Variants in LRMDA observed in about 807,000 individuals in gnomAD.
The protein encoded by LRMDA is leucine-rich melanocyte differentiation-associated protein.
A neutral mutation model predicts 29.8 loss-of-function variants in LRMDA; 18 were observed. The observed-to-expected ratio is 0.60, with a 90% CI of 0.42 to 0.90. The LOEUF is 0.90. Among genes scored for constraint, LRMDA ranks in the 40% least tolerant of loss-of-function variants. LRMDA has a pLI of 0.00. For missense variants in LRMDA, 273 were observed against 273.9 expected (o/e 1.00, Z 0.02); for synonymous variants, 125 against 109.4 (o/e 1.14, Z -0.89).
intron 2 of LRMDA, among the ~76,000 whole-genome samples, chr10:76,002,607 T>G (rs1231229995): frequency 6.6e-6 from 1 of 152,222 alleles, no homozygotes; most frequent in Non-Finnish European, 1.5e-5. Context: ...CATTGTAATT[T>G]ACCCAGTCAT....
chr10:76,434,223 C>T lies in LRMDA; in HGVS notation c.601+109738C>T, dbSNP rs115476700. On this transcript the variant is annotated intron_variant, in intron 6 of 6. Transcript: ENST00000611255. The stretch of plus-strand genomic sequence containing the variant: ...ACATCAATGTCCTGATTATAGTGAA[C>T]CTTGAACAGACATCTCCTCCTGCCC... Among the ~76,000 whole-genome samples, 309 of 152,012 alleles carry T rather than the reference C, an allele frequency of 2.0e-3. 1 individual carries two copies. The highest frequency in any genetic ancestry group is 7.2e-3 in the African/African-American group (298 of 41,454).
At chr10:75,758,865 A>G (rs901934330) in intron 2 of LRMDA, among the ~76,000 whole-genome samples, 2 of 152,284 alleles carry the variant, frequency 1.3e-5, no homozygotes, top group African/African-American at 4.8e-5. Flanking sequence ...ATCTGGGTAG[A>G]GGATGCTGCA....
In LRMDA at chr10:75,830,770, C is replaced by G. The variant is rs189877649; in HGVS notation, c.132-205238C>G. Among the ~76,000 whole-genome samples the G allele has an allele frequency of 9.8e-5, 15 of 152,316 alleles. No individual in the cohort carries two copies. In the East Asian group the frequency reaches 2.9e-3, roughly 29 times the overall value. ...CCCTGGGCCATCCCAAATCTCATAT[C>G]TTCACATTTCAAAGCCAACCATGCC... On this transcript the variant is annotated intron_variant, in intron 2 of 6. Transcript: ENST00000611255.
intron 5 of LRMDA, chr10:76,318,944 C>G (rs1454226086): frequency 6.6e-6 from 1 of 152,244 alleles, no homozygotes; most frequent in African/African-American, 2.4e-5. Flanking sequence ...GAGTCTGGCT[C>G]TGTCGCCCAG....
At chr10:75,543,511 A>G (rs1379895415) in intron 2 of LRMDA, among the ~76,000 whole-genome samples, 1 of 152,102 alleles carries the variant, frequency 6.6e-6, no homozygotes, top group Non-Finnish European at 1.5e-5. Context: ...TTCTGAACAA[A>G]ACCCTCGTCC....
intron 2 of LRMDA, among the ~76,000 whole-genome samples, chr10:75,460,887 C>A (rs1302303313): frequency 6.6e-6 from 1 of 152,132 alleles, no homozygotes; most frequent in African/African-American, 2.4e-5. Flanking sequence ...CTGTGATGAA[C>A]ATCTTTGTTT....
chr10:76,350,217 A>T (rs1161343693), intron 6 of LRMDA, among the ~76,000 whole-genome samples: 1 of 151,960 alleles, frequency 6.6e-6, no homozygotes, highest in African/African-American at 2.4e-5. Flanking sequence ...GACCAATGGG[A>T]TTTATTTATT....
At chr10:75,997,038 TTG>T (rs1191722813) in intron 2 of LRMDA, among the ~76,000 whole-genome samples, 1 of 152,218 alleles carries the variant, frequency 6.6e-6, no homozygotes, top group East Asian at 1.9e-4. Flanking sequence ...GGCCAAAATT[TTG>T]TTTTTAAGGA....
chr10:76,193,861 C>G (rs1851288120), intron 5 of LRMDA, among the ~76,000 whole-genome samples: 1 of 152,112 alleles, frequency 6.6e-6, no homozygotes, highest in Non-Finnish European at 1.5e-5. Context: ...GAAGCTAATT[C>G]TAACTGGAGC....
chr10:75,994,324 G>A (rs916940503), intron 2 of LRMDA, among the ~76,000 whole-genome samples: 1 of 152,188 alleles, frequency 6.6e-6, no homozygotes, highest in Non-Finnish European at 1.5e-5. Context: ...TTGTCTACAA[G>A]CCAATCAGGA....
At chr10:75,916,704 A>AG (rs1438502345) in intron 2 of LRMDA, among the ~76,000 whole-genome samples, 1 of 152,232 alleles carries the variant, frequency 6.6e-6, no homozygotes, top group Non-Finnish European at 1.5e-5. Flanking sequence ...ACACCTAAAA[A>AG]TCACCAGGGG....
intron 6 of LRMDA, among the ~76,000 whole-genome samples, chr10:76,506,659 A>G (rs933620428): frequency 6.6e-6 from 1 of 151,910 alleles, no homozygotes; most frequent in Non-Finnish European, 1.5e-5. Flanking sequence ...GTTAACCACT[A>G]TTCTACTTTT....
At chr10:75,729,122 T>G (rs1416718446) in intron 2 of LRMDA, among the ~76,000 whole-genome samples, 1 of 152,210 alleles carries the variant, frequency 6.6e-6, no homozygotes, top group Non-Finnish European at 1.5e-5. Context: ...TTATAACAAC[T>G]CATGCAGTCG....
intron 2 of LRMDA, among the ~76,000 whole-genome samples, chr10:75,787,561 C>T (rs1387009729): frequency 6.6e-6 from 1 of 152,202 alleles, no homozygotes; most frequent in Non-Finnish European, 1.5e-5. Flanking sequence ...AGACCCCCCG[C>T]CCTCATGATA....
chr10:76,113,538 G>A (rs1175144091), intron 5 of LRMDA, among the ~76,000 whole-genome samples: 1 of 152,060 alleles, frequency 6.6e-6, no homozygotes, highest in Admixed American at 6.5e-5. Context: ...CAGTTTCCAA[G>A]GGTCGCCTCT....
At chr10:75,666,063 A>T (rs1280426187) in intron 2 of LRMDA, among the ~76,000 whole-genome samples, 1 of 152,156 alleles carries the variant, frequency 6.6e-6, no homozygotes, top group Non-Finnish European at 1.5e-5. Flanking sequence ...TTTATGTAAG[A>T]ATTATGATTT....
chr10:75,835,057 A>G (rs754384861), intron 2 of LRMDA, among the ~76,000 whole-genome samples: 7 of 152,234 alleles, frequency 4.6e-5, no homozygotes, highest in Non-Finnish European at 8.8e-5. Flanking sequence ...TAAAATCTGT[A>G]TTCGTTTTCT....
intron 5 of LRMDA, among the ~76,000 whole-genome samples, chr10:76,162,570 A>T (rs1850666942): frequency 6.6e-6 from 1 of 152,142 alleles, no homozygotes; most frequent in African/African-American, 2.4e-5. Flanking sequence ...GAGCAGGTGG[A>T]TAGTGGGAGC....
At chr10:75,628,674 G>A (rs2132111331) in intron 2 of LRMDA, among the ~76,000 whole-genome samples, 1 of 152,320 alleles carries the variant, frequency 6.6e-6, no homozygotes, top group East Asian at 1.9e-4. Flanking sequence ...TCAGTGGAAT[G>A]CTTGTGCTCC....
Sources: allele counts gnomAD v4.1 joint callset (sites outside exome capture counted in the v4.1 genomes callset), GRCh38; gene constraint gnomAD v4.1.1; transcripts MANE v1.5; gene names NCBI Gene and HGNC (gene_info 2026-07-23, HGNC 2026-07-21).